Variants in CELF2 observed in about 807,000 individuals in gnomAD.
CELF2 encodes the protein CUGBP Elav-like family member 2.
A neutral mutation model predicts 62.6 loss-of-function variants in CELF2; 8 were observed. The ratio of observed to expected loss-of-function variants is 0.13; its 90% CI spans 0.07 to 0.23. The LOEUF (loss-of-function observed/expected upper bound fraction) is 0.23. CELF2 is among the 10% of genes least tolerant of loss of function. The pLI is 1.00. For synonymous variants in CELF2, 258 were observed against 250.0 expected (o/e 1.03, Z -0.30); for missense variants, 333 against 671.0 (o/e 0.50, Z 5.56).
Position 11,000,148 on chromosome 10 carries a change from C to G in CELF2, c.89+80149C>G, listed in dbSNP as rs531142801. The stretch of plus-strand genomic sequence containing the variant: ...AGTTGTAAGATTTCACAAACCAAAG[C>G]TAGTTTTTGATTGTTTGTTTGTTTG... On this transcript the variant is annotated intron_variant, in intron 2 of 13. Coordinates refer to the CELF2 transcript ENST00000636488. 5.9e-5 allele frequency among the ~76,000 whole-genome samples: 9 copies of G among 151,914 alleles called. No individual in the cohort carries two copies. In the South Asian group the frequency reaches 1.9e-3, roughly 32 times the overall value.
chr10:10,882,268 A>G (rs532258604), intron 1 of CELF2, among the ~76,000 whole-genome samples: 2 of 152,356 alleles, frequency 1.3e-5, no homozygotes, highest in East Asian at 1.9e-4. Context: ...AAAGACCTCA[A>G]TGAAGAAAGG....
the CELF2 span, among the ~76,000 whole-genome samples, chr10:10,500,049 A>G: frequency 2.0e-5 from 3 of 152,212 alleles, no homozygotes; most frequent in African/African-American, 4.8e-5. Context: ...CAGCATTTCA[A>G]TAACATTTAA....
chr10:11,089,941 A>ATGT (rs1216397376), intron 1 of CELF2, among the ~76,000 whole-genome samples: 1 of 152,176 alleles, frequency 6.6e-6, no homozygotes, highest in African/African-American at 2.4e-5. Flanking sequence ...CAAATACCAC[A>ATGT]TGTTGTCACT....
At chr10:11,175,065 C>CT (rs1565094650) in intron 2 of CELF2, among the ~76,000 whole-genome samples, 1 of 151,736 alleles carries the variant, frequency 6.6e-6, no homozygotes, top group African/African-American at 2.4e-5. Context: ...AAAGTCTGCC[C>CT]CCCCGCCCCA....
At chr10:10,975,706 T>C (rs558408891) in intron 2 of CELF2, among the ~76,000 whole-genome samples, 16 of 152,334 alleles carry the variant, frequency 1.1e-4, no homozygotes, top group African/African-American at 3.4e-4. Flanking sequence ...ACATATATGG[T>C]GGAAGGCAGA....
intron 1 of CELF2, among the ~76,000 whole-genome samples, chr10:11,060,006 A>G (rs989822620): frequency 5.3e-5 from 8 of 152,238 alleles, no homozygotes; most frequent in Non-Finnish European, 8.8e-5. Flanking sequence ...AAAGTGTATC[A>G]GAAACACATC....
chr10:10,798,511 C>A, upstream of CELF2: 1 of 371,004 alleles, frequency 2.7e-6, no homozygotes, highest in Non-Finnish European at 4.8e-6. Context: ...ACAAAAAGGT[C>A]AAATTTGATC....
At chr10:10,791,035 T>C in the CELF2 span, among the ~76,000 whole-genome samples, 1 of 152,176 alleles carries the variant, frequency 6.6e-6, no homozygotes, top group Non-Finnish European at 1.5e-5. Flanking sequence ...GAGTATTTAG[T>C]GGGCTAGTTT....
chr10:11,071,226 C>T (rs915697025), intron 1 of CELF2, among the ~76,000 whole-genome samples: 1 of 152,186 alleles, frequency 6.6e-6, no homozygotes, highest in Admixed American at 6.5e-5. Context: ...CTGTGTTTTG[C>T]AGCAAGCCTC....
chr10:10,781,873 TCAAC>T, the CELF2 span, among the ~76,000 whole-genome samples: 1 of 152,188 alleles, frequency 6.6e-6, no homozygotes, highest in Non-Finnish European at 1.5e-5. Context: ...AACTGTGGAT[TCAAC>T]CAACCGTGAA....
rs1281965469 is a variant in CELF2 at position 10,931,964 on chromosome 10, A to G, written c.89+11965A>G. Among the ~76,000 whole-genome samples the G allele has an allele frequency of 1.3e-5, 2 of 152,070 alleles. No individual in the cohort carries two copies. Among genetic ancestry groups the G allele is most frequent in the Admixed American group, 1.3e-4 (2 of 15,266 alleles). On this transcript the variant is annotated intron_variant, in intron 2 of 13. Transcript: ENST00000636488. This position sits in a 1 kb window ranked among gnomAD's most constrained non-coding sequence, Gnocchi z 6.1. ...GCCCTTTATAAAACCATCACATCTC[A>G]TGAGTCTTATTCACTATCATGAGAA...
chr10:10,844,445 A>G (rs1191152373), intron 1 of CELF2, among the ~76,000 whole-genome samples: 1 of 152,072 alleles, frequency 6.6e-6, no homozygotes, highest in Non-Finnish European at 1.5e-5. Flanking sequence ...AGGGAAAAAA[A>G]TGAACTCTTT....
intron 1 of CELF2, among the ~76,000 whole-genome samples, chr10:10,807,562 C>T (rs1291304191): frequency 6.6e-6 from 1 of 152,044 alleles, no homozygotes; most frequent in African/African-American, 2.4e-5. Flanking sequence ...AGAACAAATT[C>T]TGAATTCTGA....
intron 2 of CELF2, among the ~76,000 whole-genome samples, chr10:11,209,552 G>A (rs1022900618): frequency 2.0e-5 from 3 of 148,692 alleles, no homozygotes; most frequent in Non-Finnish European, 4.4e-5. Flanking sequence ...CTTCTACCAC[G>A]GAAAAAGGAC....
At chr10:10,622,169 G>T in the CELF2 span, among the ~76,000 whole-genome samples, 1 of 152,142 alleles carries the variant, frequency 6.6e-6, no homozygotes, top group Non-Finnish European at 1.5e-5. Flanking sequence ...GCGCTGCCAG[G>T]GTAAAAGCAC....
the CELF2 span, among the ~76,000 whole-genome samples, chr10:10,628,848 T>A: frequency 6.6e-6 from 1 of 151,972 alleles, no homozygotes. Context: ...TTTAAAAAAA[T>A]AAAAATAAAT....
At chr10:11,129,847 A>G (rs977357499) in intron 1 of CELF2, among the ~76,000 whole-genome samples, 1 of 152,100 alleles carries the variant, frequency 6.6e-6, no homozygotes, top group Admixed American at 6.5e-5. Flanking sequence ...TTGATTTTTG[A>G]AGGGTTTTTT....
At chr10:11,016,626 C>T (rs993302572), upstream of CELF2, among the ~76,000 whole-genome samples, 3 of 152,168 alleles carry the variant, frequency 2.0e-5, no homozygotes, top group African/African-American at 7.2e-5. The surrounding 1 kb of genome is among the most constrained non-coding windows in gnomAD (Gnocchi z 5.2). Context: ...TTGTCTATAT[C>T]ATGTCTGATA....
the CELF2 span, among the ~76,000 whole-genome samples, chr10:10,738,641 T>C: frequency 1.3e-5 from 2 of 152,204 alleles, no homozygotes; most frequent in Non-Finnish European, 2.9e-5. Context: ...TATCCTAGTC[T>C]ACCTTGAGAA....
Sources: allele counts gnomAD v4.1 joint callset (sites outside exome capture counted in the v4.1 genomes callset), GRCh38; gene constraint gnomAD v4.1.1; non-coding constraint Gnocchi (gnomAD v3.1); transcripts MANE v1.5; gene names NCBI Gene and HGNC (gene_info 2026-07-23, HGNC 2026-07-21).